ERC2: variants seen among roughly 807,000 people sequenced by gnomAD.
ERC2 encodes ELKS/RAB6-interacting/CAST family member 2.
A neutral mutation model predicts 114.8 loss-of-function variants in ERC2; 42 were observed. The observed-to-expected ratio is 0.37, with a 90% CI of 0.29 to 0.47. The LOEUF (loss-of-function observed/expected upper bound fraction) is 0.47, where lower values mean the gene tolerates loss of function less well. Ranked by LOEUF, ERC2 falls within the 20% of genes least tolerant of loss-of-function variation. The pLI is 0.99. For missense variants in ERC2, 939 were observed against 1,150.7 expected (o/e 0.82, Z 2.66); for synonymous variants, 454 against 425.5 (o/e 1.07, Z -0.82).
intron 3 of ERC2, among the ~76,000 whole-genome samples, chr3:56,239,047 A>C (rs886601623): frequency 6.6e-6 from 1 of 152,142 alleles, no homozygotes; most frequent in Non-Finnish European, 1.5e-5. Context: ...TACCACAAAT[A>C]CTACACTGTA....
intron 3 of ERC2, among the ~76,000 whole-genome samples, chr3:56,217,058 AGCATTCCCTTTTAAAACTG>A (rs1215458983): frequency 3.3e-5 from 5 of 152,238 alleles, no homozygotes; most frequent in Admixed American, 3.3e-4. Flanking sequence ...AAAAACTGGA[AGCATTCCCTTTTAAAACTG>A]GCACAAGACA....
intron 14 of ERC2, among the ~76,000 whole-genome samples, chr3:55,840,148 A>T (rs2061067851): frequency 6.6e-6 from 1 of 152,036 alleles, no homozygotes; most frequent in Non-Finnish European, 1.5e-5. Flanking sequence ...TAACAATCCT[A>T]AATGTTTATG....
At chr3:56,194,664 A>G (rs1165341048) in intron 3 of ERC2, among the ~76,000 whole-genome samples, 1 of 152,198 alleles carries the variant, frequency 6.6e-6, no homozygotes, top group Non-Finnish European at 1.5e-5. Context: ...TTTATTTTTT[A>G]AAATAAAGTA....
chr3:56,134,597 A>G lies in ERC2; in HGVS notation c.1473+4912T>C, dbSNP rs2080388330. On this transcript the variant is annotated intron_variant, in intron 6 of 17. Transcript: ENST00000288221. ...TTTTGGTGGGGGGGTTTAATTGCAT[A>G]AGATTCTCATCTGTGTTGATTATAT... 2.0e-5 allele frequency among the ~76,000 whole-genome samples: 3 copies of G among 152,204 alleles called. No homozygotes were observed. In the South Asian group the frequency reaches 6.2e-4, roughly 32 times the overall value.
intron 13 of ERC2, among the ~76,000 whole-genome samples, chr3:55,943,710 C>G (rs2066955961): frequency 6.6e-6 from 1 of 152,174 alleles, no homozygotes; most frequent in African/African-American, 2.4e-5. Flanking sequence ...AGAAAGCACA[C>G]AGGACTCTGG....
At chr3:55,652,360 T>C (rs914993893) in intron 17 of ERC2, among the ~76,000 whole-genome samples, 1 of 152,148 alleles carries the variant, frequency 6.6e-6, no homozygotes, top group Admixed American at 6.5e-5. Context: ...TTATTTTTTT[T>C]CCCCCAACTA....
intron 3 of ERC2, among the ~76,000 whole-genome samples, chr3:56,251,683 A>C (rs538226133): frequency 6.6e-6 from 1 of 152,208 alleles, no homozygotes; most frequent in Non-Finnish European, 1.5e-5. Context: ...TTCTGCCATC[A>C]AATGCATTTA....
chr3:56,074,629 C>A (rs540713780), intron 7 of ERC2, among the ~76,000 whole-genome samples: 1 of 152,094 alleles, frequency 6.6e-6, no homozygotes, highest in Non-Finnish European at 1.5e-5. Flanking sequence ...GGAAGAGTGG[C>A]GAAACACCCT....
intron 17 of ERC2, among the ~76,000 whole-genome samples, chr3:55,671,919 T>C (rs1212796541): frequency 3.3e-5 from 5 of 152,056 alleles, no homozygotes; most frequent in Non-Finnish European, 5.9e-5. Flanking sequence ...CTCTCTGGAG[T>C]GTGACAGCTG....
intron 16 of ERC2, among the ~76,000 whole-genome samples, chr3:55,696,931 A>G (rs1406063282): frequency 6.6e-6 from 1 of 152,208 alleles, no homozygotes; most frequent in Non-Finnish European, 1.5e-5. Flanking sequence ...ACTTCAATTT[A>G]AAACCACAAA....
chr3:55,940,231 C>T (rs1390254860), intron 13 of ERC2, among the ~76,000 whole-genome samples: 1 of 152,012 alleles, frequency 6.6e-6, no homozygotes, highest in Non-Finnish European at 1.5e-5. Flanking sequence ...AGTCCCCAGA[C>T]CCCAGGATTT....
chr3:55,532,048 CT>C (rs1347976771), intron 17 of ERC2, among the ~76,000 whole-genome samples: 1 of 152,234 alleles, frequency 6.6e-6, no homozygotes, highest in Non-Finnish European at 1.5e-5. Flanking sequence ...GCAAATAGAG[CT>C]ACACAAGATC....
At chr3:55,592,836 C>T (rs1257979279) in intron 17 of ERC2, among the ~76,000 whole-genome samples, 1 of 152,208 alleles carries the variant, frequency 6.6e-6, no homozygotes, top group African/African-American at 2.4e-5. Flanking sequence ...CCTTCACCTA[C>T]CCACCTTTGG....
chr3:55,998,784 C>T (rs1387541608), intron 10 of ERC2, among the ~76,000 whole-genome samples: 1 of 152,122 alleles, frequency 6.6e-6, no homozygotes. Context: ...TGGAATGAAA[C>T]ATGCCTGCTT....
intron 17 of ERC2, among the ~76,000 whole-genome samples, chr3:55,547,439 G>T (rs539537217): frequency 2.0e-5 from 3 of 152,238 alleles, no homozygotes; most frequent in Non-Finnish European, 4.4e-5. Context: ...GCTTTGAAAG[G>T]CTGCCATTGC....
intron 14 of ERC2, among the ~76,000 whole-genome samples, chr3:55,845,490 C>T (rs1211425080): frequency 2.6e-5 from 3 of 115,666 alleles, no homozygotes; most frequent in Admixed American, 1.2e-4. Context: ...GGCGACAGAG[C>T]GAGACTCCGT....
intron 2 of ERC2, among the ~76,000 whole-genome samples, chr3:56,365,814 A>G (rs762634145): frequency 3.3e-5 from 5 of 152,240 alleles, no homozygotes; most frequent in Non-Finnish European, 7.3e-5. Context: ...AAAGCCTAAA[A>G]TGTTCATTAT....
intron 12 of ERC2, among the ~76,000 whole-genome samples, chr3:55,975,662 A>T (rs1316201595): frequency 6.6e-6 from 1 of 152,238 alleles, no homozygotes; most frequent in African/African-American, 2.4e-5. Context: ...TAATCCTCCC[A>T]GAAGATACTC....
chr3:55,816,782 C>A (rs760424701), intron 14 of ERC2, among the ~76,000 whole-genome samples: 1 of 150,770 alleles, frequency 6.6e-6, no homozygotes, highest in Non-Finnish European at 1.5e-5. Context: ...CAAAAAAAAA[C>A]GAAAAACACC....
Sources: allele counts gnomAD v4.1 joint callset (sites outside exome capture counted in the v4.1 genomes callset), GRCh38; gene constraint gnomAD v4.1.1; transcripts MANE v1.5; gene names NCBI Gene and HGNC (gene_info 2026-07-23, HGNC 2026-07-21).